The following VPS4A variants were observed in gnomAD, a reference collection of about 807,000 sequenced individuals.
VPS4A encodes the protein vacuolar protein sorting-associated protein 4A.
VPS4A carries 20 observed loss-of-function variants against 52.3 expected under a neutral mutation model. The observed-to-expected ratio is 0.38, with a 90% confidence interval of 0.27 to 0.56. VPS4A has a LOEUF of 0.56. Among genes scored for constraint, VPS4A ranks in the 20% least tolerant of loss-of-function variants. The pLI, the probability that VPS4A is intolerant of heterozygous loss-of-function variation, is 0.72. For missense variants in VPS4A, 419 were observed against 575.9 expected (o/e 0.73, Z 2.79); for synonymous variants, 293 against 227.7 (o/e 1.29, Z -2.58).
chr16:69,318,262 C>T (rs978520332), intron 3 of VPS4A, among the ~76,000 whole-genome samples: 16 of 152,260 alleles, frequency 1.1e-4, no homozygotes, highest in African/African-American at 2.2e-4. Context: ...GGTGAGCCAC[C>T]GCACCCAGCC....
In VPS4A at chr16:69,318,527, C is replaced by T. The variant is rs11861412; in HGVS notation, c.282-123C>T. On this transcript the variant is annotated intron_variant, in intron 3 of 10. Transcript: ENST00000254950. ...AAGTACTTGCTTGAGTCACACGGCA[C>T]TGTTAAGCCAGGAAGGCTTCGTTCC... 7.8e-4 allele frequency: 826 copies of T among 1,064,392 alleles called. 4 individuals are homozygous for T. In the African/African-American group the frequency reaches 0.012, roughly 16 times the overall value. The allele number at this position is 1,064,392 out of a possible 1,614,324, so 65.9% of individuals were successfully genotyped here. A position where few individuals can be genotyped will look rare whatever the true frequency, so the allele number is the denominator to read the frequency against.
At position 69,321,211 on chromosome 16, in the gene VPS4A, G is replaced by C; in HGVS notation, c.1012G>C (p.Val338Leu). The change falls in exon 9 of 11, where the codon GTG becomes CTG. Residue 338 changes from valine (V) to leucine (L), a missense_variant. Physicochemically the swap from Val to Leu is conservative, Grantham distance 32 (BLOSUM62 1). Coordinates refer to ENST00000254950, the MANE Select transcript of VPS4A (RefSeq NM_013245.3). The surrounding 1 kb of genome is among the most constrained non-coding windows in gnomAD (Gnocchi z 4.5). Reference protein sequence around the residue: ...GYSGADISIIVRDSLMQPVRK... With the variant: ...GYSGADISIILRDSLMQPVRK... ...CTCGGGCGCGGACATCAGCATCATCGTGCGGGACTCTCTCATGCAGCCCGT... is the reference window on the plus strand; with the variant it reads ...CTCGGGCGCGGACATCAGCATCATCCTGCGGGACTCTCTCATGCAGCCCGT... The C allele has an allele frequency of 1.9e-6, 3 of 1,568,468 alleles. No individual in the cohort carries two copies. Among genetic ancestry groups the C allele is most frequent in the Non-Finnish European group, 2.6e-6 (3 of 1,157,310 alleles).
chr16:69,317,654 G>T (rs973070958), intron 3 of VPS4A, among the ~76,000 whole-genome samples: 1 of 152,156 alleles, frequency 6.6e-6, no homozygotes, highest in East Asian at 1.9e-4. Context: ...TTAGCCGGGC[G>T]TGGTGGCGGG....
intron 10 of VPS4A, among the ~76,000 whole-genome samples, chr16:69,323,983 G>A (rs1965550761): frequency 6.6e-6 from 1 of 151,326 alleles, no homozygotes; most frequent in African/African-American, 2.4e-5. Context: ...AGTTCGTAAG[G>A]GGAGTTATGA....
chr16:69,311,516 C>T lies in VPS4A; in HGVS notation c.5C>T (p.Thr2Ile). M[T>I]TSTLQKAIDL... ...GGGGCGGACCCAGGAGATGAAATGACAACGTCAACCCTCCAGGTACTTCGT... is the reference window on the plus strand; with the variant it reads ...GGGGCGGACCCAGGAGATGAAATGATAACGTCAACCCTCCAGGTACTTCGT... The change falls in exon 1 of 11, where the codon ACA (threonine) becomes ATA (isoleucine). Residue 2 changes from threonine to isoleucine, a missense_variant. Physicochemically the swap from Thr to Ile is moderately conservative, Grantham distance 89 (BLOSUM62 -1). Coordinates refer to ENST00000254950, the MANE Select transcript of VPS4A (RefSeq NM_013245.3). 7.4e-7 allele frequency: 1 copy of T among 1,359,216 alleles called. No homozygotes were observed. The highest frequency in any genetic ancestry group is 9.6e-7 in the Non-Finnish European group (1 of 1,042,772). 84.2% of individuals were successfully genotyped at this position (1,359,216 alleles called of 1,614,324 possible). A position where few individuals can be genotyped will look rare whatever the true frequency, so the allele number is the denominator to read the frequency against.
chr16:69,324,120 C>T (rs78918829), intron 10 of VPS4A, 88 bp from the exon 11 acceptor site: 34,148 of 1,373,206 alleles, frequency 0.025, 466 homozygotes, highest in Non-Finnish European at 0.028. Flanking sequence ...AACCTCTTCC[C>T]ACCCTCAGCT....
intron 5 of VPS4A, 93 bp from the exon 6 acceptor site, chr16:69,319,294 C>CTGTT: frequency 6.6e-7 from 1 of 1,524,722 alleles, no homozygotes; most frequent in East Asian, 2.3e-5. Context: ...ACAGAATGCC[C>CTGTT]TGTTTTACTG....
intron 3 of VPS4A, 124 bp downstream of exon 3, chr16:69,316,496 C>A: frequency 1.5e-6 from 2 of 1,307,006 alleles, no homozygotes; most frequent in Non-Finnish European, 2.1e-6. Flanking sequence ...GATGACAGTG[C>A]CAGCAGCTGC....
chr16:69,314,779 G>C (rs1291433951), intron 1 of VPS4A, among the ~76,000 whole-genome samples: 1 of 152,108 alleles, frequency 6.6e-6, no homozygotes, highest in Non-Finnish European at 1.5e-5. Context: ...CCTGCCAAGA[G>C]CCGGTCAGGA....
chr16:69,325,675 G>C lies in VPS4A; in HGVS notation c.*1366G>C, dbSNP rs559148995. The C allele has an allele frequency of 1.3e-5, 2 of 151,380 alleles. No individual in the cohort carries two copies. The highest frequency in any genetic ancestry group is 4.9e-5 in the African/African-American group (2 of 41,120). 9.4% of individuals were successfully genotyped at this position (151,380 alleles called of 1,614,324 possible). ...GTGAACCCGGGGGACGGAGCTTGCA[G>C]TGAGCCGAGATCGCGCCACTGCACT... On this transcript the variant is annotated 3_prime_UTR_variant, in exon 11 of 11. Coordinates refer to ENST00000254950, the MANE Select transcript of VPS4A (RefSeq NM_013245.3).
At chr16:69,323,352 GT>G (rs1567425269) in intron 10 of VPS4A, 1 of 214,278 alleles carries the variant, frequency 4.7e-6, no homozygotes, top group Non-Finnish European at 9.7e-6. Context: ...GCCTCACAGT[GT>G]TGCCCAGGCC....
Position 69,316,113 on chromosome 16 carries a change from A to G in VPS4A, c.127A>G (p.Ile43Val). 1 of 1,613,394 alleles carries G rather than the reference A, an allele frequency of 6.2e-7. No homozygotes were observed. Among genetic ancestry groups the G allele is most frequent in the Non-Finnish European group, 8.5e-7 (1 of 1,179,856 alleles). ...QHAVEYFLHA[I>V]KYEAHSDKAK... ...TGCGGTGGAGTACTTCCTCCACGCT[A>G]TCAAGTGTGAGTCACACGAGGGGTC... The change falls in exon 2 of 11, where the codon ATC (isoleucine) becomes GTC (valine). Residue 43 changes from isoleucine to valine, a missense_variant. Coordinates refer to ENST00000254950, the MANE Select transcript of VPS4A (RefSeq NM_013245.3).
chr16:69,320,400 C>A lies in VPS4A; in HGVS notation c.769+111C>A. The A allele has an allele frequency of 6.8e-7, 1 of 1,468,468 alleles. No individual in the cohort carries two copies. The highest frequency in any genetic ancestry group is 2.1e-5 in the Admixed American group (1 of 48,714). 91.0% of individuals were successfully genotyped at this position (1,468,468 alleles called of 1,614,324 possible). Reference sequence around the variant, plus strand: ...TTGTTCTCAGCCTCGGAGAGGCACTCCCCAGCTCCAGCCCCTCAGGGCACG... The same window carrying A: ...TTGTTCTCAGCCTCGGAGAGGCACTACCCAGCTCCAGCCCCTCAGGGCACG... On this transcript the variant is annotated intron_variant, in intron 7 of 10. Transcript: ENST00000254950. This position sits in a 1 kb window ranked among gnomAD's most constrained non-coding sequence, Gnocchi z 4.2.
chr16:69,314,263 A>G (rs1258359610), intron 1 of VPS4A, among the ~76,000 whole-genome samples: 1 of 152,024 alleles, frequency 6.6e-6, no homozygotes, highest in Non-Finnish European at 1.5e-5. Context: ...CACCGTGCCC[A>G]GCCCCAGCAC....
In VPS4A at chr16:69,320,267, G is replaced by A. The variant is rs544345054; in HGVS notation, c.747G>A (p.Thr249=). 194 of 1,613,916 alleles carry A rather than the reference G, an allele frequency of 1.2e-4. 1 individual carries two copies. In the Middle Eastern group the frequency reaches 2.0e-3, roughly 16 times the overall value. Residue 249 remains threonine, a synonymous_variant, in exon 7 of 11, where the codon ACG becomes ACA. Coordinates refer to ENST00000254950, the MANE Select transcript of VPS4A (RefSeq NM_013245.3). This position sits in a 1 kb window ranked among gnomAD's most constrained non-coding sequence, Gnocchi z 4.2. ...GTGAGGCCGCCCGGAGGATCAAAAC[G>A]GAGTTCTTGGTCCAGATGCAGGGTG... is the stretch of plus-strand genomic sequence containing the variant. ...NESEAARRIK[T]EFLVQMQGVG...
Position 69,320,666 on chromosome 16 carries a change from C to CT in VPS4A, c.770-19dup, listed in dbSNP as rs761384021. The CT allele has an allele frequency of 1.6e-5, 26 of 1,582,868 alleles. No homozygotes were observed. In the South Asian group the frequency reaches 3.0e-4, roughly 18 times the overall value. ...CCGTGCAGGTGTCCAGAGTCTGAGT[C>CT]TTTGTCTCCCTTTCTCCACAGGGGT... On this transcript the variant is annotated intron_variant, in intron 7 of 10. Coordinates refer to ENST00000254950, the MANE Select transcript of VPS4A (RefSeq NM_013245.3). This position sits in a 1 kb window ranked among gnomAD's most constrained non-coding sequence, Gnocchi z 4.2.
In VPS4A at chr16:69,322,624, C is replaced by T; in HGVS notation, c.1136C>T (p.Pro379Leu). 6.2e-7 allele frequency: 1 copy of T among 1,613,886 alleles called. No individual in the cohort carries two copies. ...GATGACCTCCTGACTCCATGCTCAC[C>T]AGGGGACCCAGGAGCCATGGAGATG... ...MIDDLLTPCS[P>L]GDPGAMEMTW... The change falls in exon 10 of 11, where the codon CCA becomes CTA. Residue 379 changes from proline to leucine, a missense_variant. Around this residue, in one of 3 missense-constraint regions of VPS4A, gnomAD observed 185 missense variants for 200.2 expected, o/e 0.92. Coordinates refer to ENST00000254950, the MANE Select transcript of VPS4A (RefSeq NM_013245.3).
rs765978835 is a variant in VPS4A, at chr16:69,324,246, G to A, written c.1251G>A (p.Thr417=). ...GGTCTCTGGCCACCACCCGGCCCAC[G>A]GTGAATGCAGACGACCTCCTGAAAG... ...MLRSLATTRP[T]VNADDLLKVK... The change falls in exon 11 of 11, where the codon ACG becomes ACA. Residue 417 remains threonine (T), a synonymous_variant. Coordinates refer to ENST00000254950, the MANE Select transcript of VPS4A (RefSeq NM_013245.3). 2.7e-5 allele frequency: 43 copies of A among 1,613,770 alleles called. No individual in the cohort carries two copies. Among genetic ancestry groups the A allele is most frequent in the South Asian group, 1.1e-4 (10 of 91,024 alleles).
In VPS4A at chr16:69,320,101, C is replaced by CGT. The variant is rs775792487; in HGVS notation, c.621-38_621-37dup. ...TGCCGGGAGCCCAGGCGGGCACGGA[C>CGT]GTGAACGTCTTGTCCTCACCCCCTT... On this transcript the variant is annotated intron_variant, in intron 6 of 10. Transcript: ENST00000254950. This position sits in a 1 kb window ranked among gnomAD's most constrained non-coding sequence, Gnocchi z 4.2. The CGT allele has an allele frequency of 1.3e-6, 2 of 1,591,100 alleles. No individual in the cohort carries two copies. The highest frequency in any genetic ancestry group is 1.7e-6 in the Non-Finnish European group (2 of 1,163,274).
Sources: gnomAD v4.1 joint callset for allele counts (sites outside exome capture counted in the v4.1 genomes callset) on GRCh38, gnomAD v4.1.1 for gene constraint, gnomAD v4.1.1 regional missense constraint, Gnocchi (gnomAD v3.1) non-coding constraint, MANE v1.5 for transcripts, NCBI Gene and HGNC (gene_info 2026-07-23, HGNC 2026-07-21) for gene names.